Variants in FAM3B observed in about 807,000 individuals in gnomAD.
FAM3B encodes the protein protein FAM3B.
Under a neutral mutation model 28.4 loss-of-function variants are expected in FAM3B, and 29 were observed. The observed-to-expected ratio is 1.02, with a 90% CI of 0.76 to 1.39. The LOEUF is 1.39. Ranked by LOEUF, FAM3B falls within the 40% of genes most tolerant of loss-of-function variation. The probability of loss-of-function intolerance (pLI) is 0.00; values close to 1 mark genes in which losing one functional copy is unlikely to be tolerated. For missense variants in FAM3B, 266 were observed against 293.9 expected, an observed-to-expected ratio of 0.91 and a Z score of 0.69; for synonymous variants, 91 against 103.0, an observed-to-expected ratio of 0.88 and a Z score of 0.71.
chr21:41,325,781 G>A (rs1467060662), intron 2 of FAM3B, among the ~76,000 whole-genome samples: 2 of 152,176 alleles, frequency 1.3e-5, no homozygotes, highest in Non-Finnish European at 2.9e-5. Flanking sequence ...TGTGGTTACA[G>A]CATATCTGGG....
chr21:41,330,008 TAG>T (rs1353364676), intron 2 of FAM3B, among the ~76,000 whole-genome samples: 1 of 152,178 alleles, frequency 6.6e-6, no homozygotes, highest in Non-Finnish European at 1.5e-5. Context: ...ATAACTTTAT[TAG>T]AGTTAGTTGT....
At chr21:41,334,938 A>G (rs2088940722) in intron 2 of FAM3B, among the ~76,000 whole-genome samples, 1 of 152,236 alleles carries the variant, frequency 6.6e-6, no homozygotes, top group Non-Finnish European at 1.5e-5. Context: ...TGTATGCTGG[A>G]TGTGAGACAT....
upstream of FAM3B, among the ~76,000 whole-genome samples, chr21:41,311,958 G>A (rs533986965): frequency 3.9e-5 from 6 of 152,318 alleles, no homozygotes; most frequent in African/African-American, 1.4e-4. Flanking sequence ...GTAGATGGCA[G>A]CAGGCAAAGA....
chr21:41,357,562 C>T lies in FAM3B; in HGVS notation c.*365C>T, dbSNP rs2089177887. The T allele has an allele frequency of 6.4e-6, 1 of 157,354 alleles. No individual in the cohort carries two copies. Among genetic ancestry groups the T allele is most frequent in the Non-Finnish European group, 1.4e-5 (1 of 71,500 alleles). 9.7% of individuals were successfully genotyped at this position (157,354 alleles called of 1,614,324 possible). ...GCCCTGCAGAGAGAAAACCTTTATT[C>T]CATTATCACCAAGCACCTCCTAGTT... is the stretch of plus-strand genomic sequence containing the variant. On this transcript the variant is annotated 3_prime_UTR_variant, in exon 8 of 8. Coordinates refer to ENST00000357985, the MANE Select transcript of FAM3B (RefSeq NM_058186.4).
At chr21:41,344,423 C>T (rs1449961521) in intron 3 of FAM3B, 53 bp from the exon 4 acceptor site, 14 of 1,530,956 alleles carry the variant, frequency 9.1e-6, no homozygotes, top group Middle Eastern at 3.4e-4. Context: ...CTTCGCGGAG[C>T]GGGGAGAGTC....
At chr21:41,316,753 A>T, upstream of FAM3B, 1 of 926,904 alleles carries the variant, frequency 1.1e-6, no homozygotes, top group South Asian at 2.9e-5. Context: ...CTGGCCGCGC[A>T]CCCAGCTGGC....
At chr21:41,328,169 G>A (rs142374568) in intron 2 of FAM3B, among the ~76,000 whole-genome samples, 120 of 152,292 alleles carry the variant, frequency 7.9e-4, no homozygotes, top group African/African-American at 2.9e-3. Context: ...AACAGGTCAC[G>A]TACACTAAAG....
In FAM3B at chr21:41,338,308, G is replaced by A. The variant is rs144102073; in HGVS notation, c.164-70G>A. 646 of 1,578,464 alleles carry A rather than the reference G, an allele frequency of 4.1e-4. 1 individual carries two copies. The African/African-American group carries it at 7.5e-3, about 18-fold the overall frequency. ...CTGGTATGAAGTGCTGGTGTTCTCC[G>A]CCAAGCAGCAGGTGCATCTGTAAAT... On this transcript the variant is annotated intron_variant, in intron 2 of 7. Transcript: ENST00000357985.
chr21:41,349,948 A>T (rs904768258), intron 7 of FAM3B, among the ~76,000 whole-genome samples: 9 of 151,746 alleles, frequency 5.9e-5, no homozygotes, highest in Non-Finnish European at 1.2e-4. Flanking sequence ...CTTGCTTATG[A>T]CTGTGCCTGG....
rs758385377 is a variant in FAM3B at position 41,316,933 on chromosome 21, GC to G, written c.19+36del. The G allele has an allele frequency of 3.5e-4, 457 of 1,322,140 alleles. 2 individuals carry two copies. The highest frequency in any genetic ancestry group is 4.2e-4 in the Non-Finnish European group (436 of 1,033,774). The allele number at this position is 1,322,140 out of a possible 1,614,324, so 81.9% of individuals were successfully genotyped here. On this transcript the variant is annotated intron_variant, in intron 1 of 7. Transcript: ENST00000357985. ...CCCCCGCCTCGGGGCGAGGGTAGGG[GC>G]GGGGAAGGAGGACCCCAGGGGAAGC...
At chr21:41,318,451 G>T (rs1365628342) in intron 1 of FAM3B, among the ~76,000 whole-genome samples, 2 of 152,198 alleles carry the variant, frequency 1.3e-5, no homozygotes, top group Non-Finnish European at 2.9e-5. Flanking sequence ...CCTGTGGACC[G>T]TCAAGGCCGG....
At chr21:41,312,755 G>GTGTGTGTGTGT (rs1555866788), upstream of FAM3B, among the ~76,000 whole-genome samples, 3 of 151,252 alleles carry the variant, frequency 2.0e-5, no homozygotes, top group Admixed American at 6.6e-5. Flanking sequence ...GTGTGTGTAT[G>GTGTGTGTGTGT]ATGTCTGCAT....
intron 7 of FAM3B, among the ~76,000 whole-genome samples, 178 bp from the exon 8 acceptor site, chr21:41,356,930 A>G (rs1335480086): frequency 6.6e-6 from 1 of 152,204 alleles, no homozygotes; most frequent in Non-Finnish European, 1.5e-5. Context: ...AAATATGTAC[A>G]TCTATTATAT....
upstream of FAM3B, among the ~76,000 whole-genome samples, chr21:41,313,423 A>C (rs1339456506): frequency 1.3e-5 from 2 of 152,252 alleles, no homozygotes; most frequent in Non-Finnish European, 2.9e-5. Context: ...CTGTCACCAC[A>C]GATGAATTTG....
rs757924403 is a variant in FAM3B, at chr21:41,338,402, G to A, written c.188G>A (p.Cys63Tyr). Reference protein sequence around the residue: ...LKAPVPKRQKCDHWTPCPSDT... With the variant: ...LKAPVPKRQKYDHWTPCPSDT... ...GCTCCAGTCCCCAAAAGGCAAAAAT[G>A]TGACCACTGGACTCCCTGCCCATCT... is the stretch of plus-strand genomic sequence containing the variant. Residue 63 changes from cysteine (C) to tyrosine (Y), a missense_variant, in exon 3 of 8, where the codon TGT becomes TAT. Transcript: ENST00000357985. 4 of 1,614,198 alleles carry A rather than the reference G, an allele frequency of 2.5e-6. No individual in the cohort carries two copies. Among genetic ancestry groups the A allele is most frequent in the South Asian group, 2.2e-5 (2 of 91,086 alleles).
chr21:41,308,277 A>G (rs1427203458), intron 1 of FAM3B, among the ~76,000 whole-genome samples: 2 of 152,048 alleles, frequency 1.3e-5, no homozygotes, highest in Non-Finnish European at 2.9e-5. Context: ...CAACCACCCT[A>G]TGAGATGAGT....
At chr21:41,316,956 A>C in intron 1 of FAM3B, 58 bp downstream of exon 1, 1 of 1,265,528 alleles carries the variant, frequency 7.9e-7, no homozygotes, top group Non-Finnish European at 1.0e-6. Context: ...ACCCCAGGGG[A>C]AGCGTCGCTC....
chr21:41,341,982 C>T (rs1008376584), intron 3 of FAM3B, among the ~76,000 whole-genome samples: 1 of 152,200 alleles, frequency 6.6e-6, no homozygotes, highest in South Asian at 2.1e-4. Flanking sequence ...GTGAATTCTT[C>T]CAGTTTATGT....
chr21:41,312,394 A>C (rs2088720189), upstream of FAM3B, among the ~76,000 whole-genome samples: 1 of 152,148 alleles, frequency 6.6e-6, no homozygotes, highest in South Asian at 2.1e-4. Context: ...TCCACTGTAG[A>C]ATTCTGAGAG....
Sources: gnomAD v4.1 joint callset for allele counts (sites outside exome capture counted in the v4.1 genomes callset) on GRCh38, gnomAD v4.1.1 for gene constraint, MANE v1.5 for transcripts, NCBI Gene and HGNC (gene_info 2026-07-23, HGNC 2026-07-21) for gene names.